The following EPHA3 variants were observed in gnomAD, a reference collection of about 807,000 sequenced individuals.
EPHA3 encodes the protein EPH receptor A3.
EPHA3 carries 42 observed loss-of-function variants against 107.1 expected under a neutral mutation model. The ratio of observed to expected loss-of-function variants is 0.39; its 90% CI spans 0.31 to 0.51. EPHA3 has a LOEUF of 0.51. Among genes scored for constraint, EPHA3 ranks in the 20% least tolerant of loss-of-function variants. The pLI is 0.78. For synonymous variants in EPHA3, 461 were observed against 424.8 expected (o/e 1.09, Z -1.05); for missense variants, 1,183 against 1,211.2 (o/e 0.98, Z 0.35).
intron 10 of EPHA3, among the ~76,000 whole-genome samples, chr3:89,414,176 A>G (rs2107522836): frequency 6.6e-6 from 1 of 151,802 alleles, no homozygotes. Context: ...AAAAATGTAC[A>G]TGTAATGCTT....
chr3:89,361,442 A>G (rs1458805996), intron 5 of EPHA3, among the ~76,000 whole-genome samples: 2 of 150,940 alleles, frequency 1.3e-5, no homozygotes, highest in African/African-American at 4.8e-5. Context: ...CCAACTAATG[A>G]CATGATATAG....
intron 3 of EPHA3, among the ~76,000 whole-genome samples, chr3:89,242,295 T>C (rs1032438937): frequency 2.0e-5 from 3 of 152,236 alleles, no homozygotes; most frequent in African/African-American, 7.2e-5. Context: ...AGCAATCATG[T>C]CTTGGGAGAT....
chr3:89,246,651 T>C (rs1000146300), intron 3 of EPHA3, among the ~76,000 whole-genome samples: 4 of 152,222 alleles, frequency 2.6e-5, no homozygotes, highest in African/African-American at 9.7e-5. Flanking sequence ...TATCAATTGC[T>C]ACTCTGCCCT....
chr3:89,174,045 G>A (rs1278997797), intron 2 of EPHA3, among the ~76,000 whole-genome samples: 2 of 151,792 alleles, frequency 1.3e-5, no homozygotes, highest in African/African-American at 4.8e-5. Flanking sequence ...AAAATTACTC[G>A]GCTTTTACAG....
chr3:89,164,101 A>G (rs1027407908), intron 2 of EPHA3, among the ~76,000 whole-genome samples: 12 of 152,204 alleles, frequency 7.9e-5, no homozygotes, highest in Non-Finnish European at 1.2e-4. Flanking sequence ...CGTTTCAGAC[A>G]TAAAGGAGTA....
At chr3:89,186,897 G>A (rs971500141) in intron 2 of EPHA3, among the ~76,000 whole-genome samples, 5 of 152,002 alleles carry the variant, frequency 3.3e-5, no homozygotes, top group Non-Finnish European at 7.4e-5. Context: ...GTGTTGCCTG[G>A]AATATGTTTT....
chr3:89,425,628 A>G (rs1709439687), intron 11 of EPHA3, among the ~76,000 whole-genome samples: 1 of 151,474 alleles, frequency 6.6e-6, no homozygotes, highest in South Asian at 2.1e-4. Context: ...TATCTGATAA[A>G]CAGTTTGTTT....
chr3:89,317,563 A>G (rs1234404933), intron 3 of EPHA3, among the ~76,000 whole-genome samples: 1 of 151,886 alleles, frequency 6.6e-6, no homozygotes, highest in Admixed American at 6.6e-5. Context: ...ATCTTGCCAT[A>G]TATTGACCTG....
chr3:89,224,788 G>T (rs1704462001), intron 3 of EPHA3, among the ~76,000 whole-genome samples: 1 of 152,004 alleles, frequency 6.6e-6, no homozygotes. Context: ...GGCGGAGGTT[G>T]CAGTGAGACA....
At chr3:89,209,269 G>A (rs115767296) in intron 2 of EPHA3, among the ~76,000 whole-genome samples, 773 of 152,148 alleles carry the variant, frequency 5.1e-3, no homozygotes, top group Non-Finnish European at 6.5e-3. Flanking sequence ...TATATTTGGC[G>A]GGAAGCTGTG....
intron 5 of EPHA3, among the ~76,000 whole-genome samples, chr3:89,372,056 A>T (rs1030735782): frequency 6.6e-6 from 1 of 151,628 alleles, no homozygotes; most frequent in African/African-American, 2.4e-5. Context: ...AAGAAAAAAA[A>T]TGTCACCACA....
chr3:89,216,592 G>T (rs1243077967), intron 3 of EPHA3, among the ~76,000 whole-genome samples: 2 of 151,964 alleles, frequency 1.3e-5, no homozygotes, highest in Admixed American at 1.3e-4. Flanking sequence ...TTTAACTTAA[G>T]GTGTTTTATA....
intron 3 of EPHA3, among the ~76,000 whole-genome samples, chr3:89,261,495 G>T (rs1705416193): frequency 6.6e-6 from 1 of 152,094 alleles, no homozygotes; most frequent in Non-Finnish European, 1.5e-5. Flanking sequence ...TAAGTTGTGT[G>T]CATTGTCTCT....
chr3:89,280,649 A>C (rs1437881366), intron 3 of EPHA3, among the ~76,000 whole-genome samples: 1 of 152,158 alleles, frequency 6.6e-6, no homozygotes, highest in Admixed American at 6.5e-5. Context: ...AGGCATCTGC[A>C]CTGTATTTAT....
intron 5 of EPHA3, among the ~76,000 whole-genome samples, chr3:89,383,247 T>C (rs1480736976): frequency 1.3e-5 from 2 of 152,154 alleles, no homozygotes; most frequent in African/African-American, 4.8e-5. Flanking sequence ...TAACATAACA[T>C]AATATATAAT....
chr3:89,472,673 G>T (rs1710431615), intron 16 of EPHA3, 54 bp downstream of exon 16: 1 of 1,480,516 alleles, frequency 6.8e-7, no homozygotes, highest in African/African-American at 2.1e-5. Context: ...AACTTTCTTG[G>T]CTTGACATGA....
At chr3:89,328,759 GATA>G (rs1707226363) in intron 3 of EPHA3, among the ~76,000 whole-genome samples, 1 of 152,106 alleles carries the variant, frequency 6.6e-6, no homozygotes, top group South Asian at 2.1e-4. Flanking sequence ...AGGAAAAAGA[GATA>G]ATACCAGTCT....
chr3:89,204,981 T>C (rs1706065421), intron 2 of EPHA3, among the ~76,000 whole-genome samples: 2 of 152,232 alleles, frequency 1.3e-5, no homozygotes, highest in Non-Finnish European at 2.9e-5. Context: ...GTGTTTCTTA[T>C]AAACCATTGA....
At position 89,341,741 on chromosome 3, in the gene EPHA3, G is replaced by A. The variant is rs1707527498; in HGVS notation, c.971-14G>A. On this transcript the variant is annotated splice_polypyrimidine_tract_variant and intron_variant, in intron 4 of 16. Coordinates refer to ENST00000336596, the MANE Select transcript of EPHA3 (RefSeq NM_005233.6). ...GAAGTGAGGCTCATTAATCTTTGTTGAACTACTTTGCAGGACCTCCATCTT... is the reference window on the plus strand; with the variant it reads ...GAAGTGAGGCTCATTAATCTTTGTTAAACTACTTTGCAGGACCTCCATCTT... 6.3e-7 allele frequency: 1 copy of A among 1,585,344 alleles called. No homozygotes were observed. Among genetic ancestry groups the A allele is most frequent in the African/African-American group, 1.4e-5 (1 of 73,874 alleles).
Sources: gnomAD v4.1 joint callset for allele counts (sites outside exome capture counted in the v4.1 genomes callset) on GRCh38, gnomAD v4.1.1 for gene constraint, MANE v1.5 for transcripts, NCBI Gene and HGNC (gene_info 2026-07-23, HGNC 2026-07-21) for gene names.